The following NGFR variants were observed in gnomAD, a reference collection of about 807,000 sequenced individuals.
The protein encoded by NGFR is nerve growth factor receptor, also known as tumor necrosis factor receptor superfamily member 16.
A neutral mutation model predicts 43.2 loss-of-function variants in NGFR; 30 were observed. The observed-to-expected ratio is 0.69, with a 90% CI of 0.52 to 0.94. The LOEUF (loss-of-function observed/expected upper bound fraction) is 0.94. Ranked by LOEUF, NGFR falls within the 40% of genes least tolerant of loss-of-function variation. NGFR has a pLI of 0.00. For synonymous variants in NGFR, 246 were observed against 259.6 expected, an observed-to-expected ratio of 0.95 and a Z score of 0.50; for missense variants, 529 against 602.5, an observed-to-expected ratio of 0.88 and a Z score of 1.28.
At chr17:49,497,168 C>CG (rs575269522) in intron 1 of NGFR, 4,147 of 151,888 alleles carry the variant, frequency 0.027, 92 homozygotes, top group Non-Finnish European at 0.039. Flanking sequence ...CCCAGCAGGG[C>CG]GGGGGGGGTT....
At chr17:49,500,089 A>T (rs2071158909) in intron 1 of NGFR, among the ~76,000 whole-genome samples, 1 of 152,120 alleles carries the variant, frequency 6.6e-6, no homozygotes, top group Non-Finnish European at 1.5e-5. Flanking sequence ...GAACTCAAAA[A>T]GACAAAAGTG....
chr17:49,495,451 G>T lies in NGFR; in HGVS notation c.34G>T (p.Gly12Trp), dbSNP rs776933033. The change falls in exon 1 of 6, where the codon GGG becomes TGG. Residue 12 changes from glycine (G) to tryptophan (W), a missense_variant. Gly to Trp is a radical substitution (Grantham distance 184, BLOSUM62 -2). Transcript: ENST00000172229. This position sits in a 1 kb window ranked among gnomAD's most constrained non-coding sequence, Gnocchi z 6.4. The stretch of plus-strand genomic sequence containing the variant: ...AGGTGCCACCGGCCGCGCCATGGAC[G>T]GGCCGCGCCTGCTGCTGTTGCTGCT... Reference protein sequence around the residue: ...GAGATGRAMDGPRLLLLLLLG... With the variant: ...GAGATGRAMDWPRLLLLLLLG... 3 of 1,236,254 alleles carry T rather than the reference G, an allele frequency of 2.4e-6. No homozygotes were observed. Among genetic ancestry groups the T allele is most frequent in the South Asian group, 4.1e-5 (1 of 24,510 alleles). The allele number at this position is 1,236,254 out of a possible 1,614,324, so 76.6% of individuals were successfully genotyped here.
chr17:49,510,474 A>C lies in NGFR; in HGVS notation c.631A>C (p.Ser211Arg). ...PPEGSDSTAP[S>R]TQEPEAPPEQ... ...AGAGGGCTCGGACAGCACAGCCCCC[A>C]GCACCCAGGAGCCTGAGGCACCTCC... is the stretch of plus-strand genomic sequence containing the variant. Residue 211 changes from serine (S) to arginine (R), a missense_variant, in exon 4 of 6, where the codon AGC (serine) becomes CGC (arginine). Coordinates refer to ENST00000172229, the MANE Select transcript of NGFR (RefSeq NM_002507.4). 1 of 1,614,104 alleles carries C rather than the reference A, an allele frequency of 6.2e-7. No homozygotes were observed. Among genetic ancestry groups the C allele is most frequent in the African/African-American group, 1.3e-5 (1 of 75,030 alleles).
At chr17:49,497,126 C>G (rs1597858373) in intron 1 of NGFR, 1 of 152,284 alleles carries the variant, frequency 6.6e-6, no homozygotes, top group South Asian at 2.1e-4. Context: ...AGGGGGCAGC[C>G]GCTGTCCCAG....
chr17:49,499,618 C>T (rs931675379), intron 1 of NGFR, among the ~76,000 whole-genome samples: 4 of 151,992 alleles, frequency 2.6e-5, no homozygotes, highest in Non-Finnish European at 4.4e-5. Flanking sequence ...GACGGACTGT[C>T]ACTCTGCCAC....
rs1332975868 is a variant in NGFR, at chr17:49,507,418, C to G, written c.568+760C>G. 2.0e-5 allele frequency among the ~76,000 whole-genome samples: 3 copies of G among 152,258 alleles called. No homozygotes were observed. The South Asian group carries it at 6.2e-4, about 32-fold the overall frequency. On this transcript the variant is annotated intron_variant, in intron 3 of 5. Coordinates refer to ENST00000172229, the MANE Select transcript of NGFR (RefSeq NM_002507.4). ...GAAGAAGAAGGAGGGGAGGGGCAGA[C>G]CTGGGGCTCAAAAGCCCGGGGACAA... is the stretch of plus-strand genomic sequence containing the variant.
Position 49,506,674 on chromosome 17 carries a change from GGGGCGGGGGGAGTGGGGGTGCGGGGGT to G in NGFR, c.568+21_568+47del. 7.2e-5 allele frequency: 101 copies of G among 1,402,342 alleles called. No individual in the cohort carries two copies. The highest frequency in any genetic ancestry group is 2.6e-4 in the Middle Eastern group (1 of 3,890). The allele number at this position is 1,402,342 out of a possible 1,614,324, so 86.9% of individuals were successfully genotyped here. A position where few individuals can be genotyped will look rare whatever the true frequency, so the allele number is the denominator to read the frequency against. ...GAGTGCGAGGGTGAGTGCGGTTCGG[GGGGCGGGGGGAGTGGGGGTGCGGGGGT>G]GGGCTGGGGGCATAAGGAAGGGCGC... is the stretch of plus-strand genomic sequence containing the variant. On this transcript the variant is annotated intron_variant, in intron 3 of 5. Transcript: ENST00000172229.
At chr17:49,511,638 T>C (rs1449437963) in intron 4 of NGFR, among the ~76,000 whole-genome samples, 2 of 152,166 alleles carry the variant, frequency 1.3e-5, no homozygotes, top group Non-Finnish European at 2.9e-5. Context: ...GAGGAGTTCC[T>C]GAGCAGTCAC....
chr17:49,503,469 C>G (rs1193316064), intron 2 of NGFR, among the ~76,000 whole-genome samples: 1 of 152,204 alleles, frequency 6.6e-6, no homozygotes, highest in Non-Finnish European at 1.5e-5. Context: ...GAACCATACT[C>G]AGATTATTCT....
chr17:49,504,790 T>TC (rs2071187357), intron 2 of NGFR, among the ~76,000 whole-genome samples: 1 of 142,200 alleles, frequency 7.0e-6, no homozygotes, highest in Non-Finnish European at 1.5e-5. Context: ...TTTTTTTTTT[T>TC]TGACAGCGTC....
rs151335519 is a variant in NGFR at position 49,495,667 on chromosome 17, C to A, written c.66+184C>A. ...GTCTAGGGTTCCCGGAGCGCAGAGG[C>A]GACTCTCCAGGGTGGAGATGAGGGC... On this transcript the variant is annotated intron_variant, in intron 1 of 5. Transcript: ENST00000172229. The surrounding 1 kb of genome is among the most constrained non-coding windows in gnomAD (Gnocchi z 6.4). The A allele has an allele frequency of 1.7e-3, 859 of 497,372 alleles. 8 individuals carry two copies. In the East Asian group the frequency reaches 0.023, roughly 13 times the overall value. 30.8% of individuals were successfully genotyped at this position (497,372 alleles called of 1,614,324 possible).
intron 3 of NGFR, 90 bp from the exon 4 acceptor site, chr17:49,510,322 C>G (rs1012309938): frequency 5.2e-6 from 8 of 1,550,642 alleles, no homozygotes; most frequent in Non-Finnish European, 7.0e-6. Context: ...GGAGCCAGGG[C>G]GGGGACACAG....
intron 2 of NGFR, chr17:49,505,962 C>T: frequency 3.3e-6 from 1 of 302,558 alleles, no homozygotes; most frequent in Non-Finnish European, 6.0e-6. Flanking sequence ...ATTCCTTAAT[C>T]ATGCTGGGAA....
chr17:49,511,934 G>A lies in NGFR; in HGVS notation c.864G>A (p.Arg288=). 1 of 1,612,654 alleles carries A rather than the reference G, an allele frequency of 6.2e-7. No individual in the cohort carries two copies. The highest frequency in any genetic ancestry group is 8.5e-7 in the Non-Finnish European group (1 of 1,179,396). The change falls in exon 5 of 6, where the codon CGG becomes CGA. Residue 288 remains arginine (R), a synonymous_variant. Transcript: ENST00000172229. The stretch of plus-strand genomic sequence containing the variant: ...AGAACAAGCAAGGAGCCAACAGCCG[G>A]CCAGTGAACCAGACGCCCCCACCAG... ...CKQNKQGANS[R]PVNQTPPPEG...
At chr17:49,502,021 C>CCT in intron 1 of NGFR, 42 bp from the exon 2 acceptor site, 1 of 1,324,462 alleles carries the variant, frequency 7.6e-7, no homozygotes, top group South Asian at 2.0e-5. Context: ...CCCACCCCAG[C>CCT]TTTCTCTTGC....
chr17:49,508,257 G>A (rs563657314), intron 3 of NGFR, among the ~76,000 whole-genome samples: 21 of 152,360 alleles, frequency 1.4e-4, no homozygotes, highest in African/African-American at 5.1e-4. Flanking sequence ...CCAGCTGGGG[G>A]CGGGGCGGGG....
chr17:49,499,516 T>G (rs958751837), intron 1 of NGFR, among the ~76,000 whole-genome samples: 1 of 152,218 alleles, frequency 6.6e-6, no homozygotes, highest in Non-Finnish European at 1.5e-5. Context: ...CAGATTGTAT[T>G]CAGAGGCTTG....
chr17:49,506,622 C>G lies in NGFR; in HGVS notation c.532C>G (p.Arg178Gly). Residue 178 changes from arginine to glycine, a missense_variant, in exon 3 of 6, where the codon CGC becomes GGC. Physicochemically the swap from Arg to Gly is moderately radical, Grantham distance 125 (BLOSUM62 -2). Transcript: ENST00000172229. Reference sequence around the variant, plus strand: ...GTGCGAGGACACCGAGCGCCAGCTCCGCGAGTGCACACGCTGGGCCGACGC... The same window carrying G: ...GTGCGAGGACACCGAGCGCCAGCTCGGCGAGTGCACACGCTGGGCCGACGC... Reference protein sequence around the residue: ...TVCEDTERQLRECTRWADAEC... With the variant: ...TVCEDTERQLGECTRWADAEC... 1 of 1,581,168 alleles carries G rather than the reference C, an allele frequency of 6.3e-7. No individual in the cohort carries two copies.
chr17:49,506,742 A>C, intron 3 of NGFR, 84 bp downstream of exon 3: 1 of 1,329,884 alleles, frequency 7.5e-7, no homozygotes, highest in Non-Finnish European at 1.0e-6. Flanking sequence ...GGAGGTCGAC[A>C]AGGACCCTGC....
Sources: gnomAD v4.1 joint callset for allele counts (sites outside exome capture counted in the v4.1 genomes callset) on GRCh38, gnomAD v4.1.1 for gene constraint, Gnocchi (gnomAD v3.1) non-coding constraint, MANE v1.5 for transcripts, NCBI Gene and HGNC (gene_info 2026-07-23, HGNC 2026-07-21) for gene names.